The following NSMAF variants were observed in gnomAD, a reference collection of about 807,000 sequenced individuals.
The protein encoded by NSMAF is neutral sphingomyelinase activation associated factor.
In NSMAF, 90 loss-of-function variants were observed where a neutral mutation model predicts 134.9. That is an observed-to-expected ratio of 0.67 (90% confidence interval 0.56 to 0.79). The LOEUF is 0.79. Ranked by LOEUF, NSMAF falls within the 30% of genes least tolerant of loss-of-function variation. The pLI is 0.00. For synonymous variants in NSMAF, 358 were observed against 389.6 expected (o/e 0.92, Z 0.96); for missense variants, 1,010 against 1,119.0 (o/e 0.90, Z 1.39).
Position 58,590,852 on chromosome 8 carries a change from T to C in NSMAF, c.2019+15A>G, listed in dbSNP as rs1294361954. ...TACACGGATTTCTATCATAATACTA[T>C]TAAAATGAACTCACCATATTTGAAA... is the stretch of plus-strand genomic sequence containing the variant. On this transcript the variant is annotated intron_variant, in intron 24 of 30. Coordinates refer to ENST00000038176, the MANE Select transcript of NSMAF (RefSeq NM_003580.4). The C allele has an allele frequency of 1.3e-6, 2 of 1,550,724 alleles. No individual in the cohort carries two copies. Among genetic ancestry groups the C allele is most frequent in the South Asian group, 2.2e-5 (2 of 89,286 alleles).
rs376113823 is a variant in NSMAF, at chr8:58,649,324, T to C, written c.60-6251A>G. The stretch of plus-strand genomic sequence containing the variant: ...CTGTACCACCATTGTATCTTGAAAG[T>C]AGATCAACTGTTTTGATTTTACAGG... On this transcript the variant is annotated intron_variant, in intron 1 of 30. Transcript: ENST00000038176. Among the ~76,000 whole-genome samples the C allele has an allele frequency of 7.2e-5, 11 of 152,334 alleles. No homozygotes were observed. The East Asian group carries it at 1.3e-3, about 19-fold the overall frequency.
chr8:58,632,237 C>T (rs762949761), intron 5 of NSMAF, among the ~76,000 whole-genome samples: 1 of 152,290 alleles, frequency 6.6e-6, no homozygotes, highest in African/African-American at 2.4e-5. Flanking sequence ...CACACCCCCA[C>T]AAACATACTT....
rs1563524675 is a variant in NSMAF, at chr8:58,594,280, C to T, written c.1903G>A (p.Gly635Arg). 6.2e-6 allele frequency: 10 copies of T among 1,614,044 alleles called. No homozygotes were observed. Among genetic ancestry groups the T allele is most frequent in the Non-Finnish European group, 8.5e-6 (10 of 1,179,872 alleles). Residue 635 changes from glycine (G) to arginine (R), a missense_variant, in exon 23 of 31, where the codon GGA (glycine) becomes AGA (arginine). By Grantham distance (125) the Gly-to-Arg change is moderately radical. Coordinates refer to ENST00000038176, the MANE Select transcript of NSMAF (RefSeq NM_003580.4). ...GATCCATTGCGAGAGACCGTGATTC[C>T]AGTAACTGCTCTGCTCAAAAACAAA... ...HYKIHKEAVT[G>R]ITVSRNGSSV...
chr8:58,633,198 C>T (rs567439319), intron 5 of NSMAF, among the ~76,000 whole-genome samples: 8 of 152,344 alleles, frequency 5.3e-5, no homozygotes, highest in African/African-American at 7.2e-5. Context: ...CCGCATGACA[C>T]GGTCCCTGCC....
intron 2 of NSMAF, among the ~76,000 whole-genome samples, chr8:58,642,210 G>A (rs77807250): frequency 0.027 from 4,126 of 152,282 alleles, 205 homozygotes; most frequent in African/African-American, 0.093. Context: ...ATAAAAATAA[G>A]TGGATTTATC....
In NSMAF at chr8:58,659,662, A is replaced by G. The variant is rs971208193; in HGVS notation, c.-31T>C. On this transcript the variant is annotated 5_prime_UTR_variant, in exon 1 of 31. Coordinates refer to ENST00000038176, the MANE Select transcript of NSMAF (RefSeq NM_003580.4). ...GTAGGCGCGGGCGGGCGCAGAGCGC[A>G]CAGGCAGGCCCCGCCGCCGCCTGCC... 29 of 1,394,496 alleles carry G rather than the reference A, an allele frequency of 2.1e-5. No individual in the cohort carries two copies. The highest frequency in any genetic ancestry group is 3.0e-5 in the African/African-American group (2 of 65,882). 86.4% of individuals were successfully genotyped at this position (1,394,496 alleles called of 1,614,324 possible). A position where few individuals can be genotyped will look rare whatever the true frequency, so the allele number is the denominator to read the frequency against.
In NSMAF at chr8:58,635,239, A is replaced by G. The variant is rs1421500231; in HGVS notation, c.297-14T>C. 3.1e-6 allele frequency: 5 copies of G among 1,610,962 alleles called. No individual in the cohort carries two copies. The African/African-American group carries it at 6.7e-5, about 22-fold the overall frequency. ...CCAGATTTTGCCCTAAAATACAGAT[A>G]AAAGTCATTAAATATATACAGCTTT... On this transcript the variant is annotated splice_polypyrimidine_tract_variant and intron_variant, in intron 4 of 30. Transcript: ENST00000038176.
At chr8:58,634,735 G>A (rs1439345463) in intron 5 of NSMAF, among the ~76,000 whole-genome samples, 1 of 152,134 alleles carries the variant, frequency 6.6e-6, no homozygotes, top group African/African-American at 2.4e-5. Context: ...GTGCAGTGGT[G>A]GGTGCATAAA....
intron 23 of NSMAF, among the ~76,000 whole-genome samples, chr8:58,593,617 C>T (rs972688737): frequency 6.6e-6 from 1 of 152,150 alleles, no homozygotes; most frequent in African/African-American, 2.4e-5. Flanking sequence ...AAGGCCAAGA[C>T]ATACTTTAAT....
At chr8:58,600,436 A>T (rs976808923) in intron 16 of NSMAF, among the ~76,000 whole-genome samples, 1 of 152,074 alleles carries the variant, frequency 6.6e-6, no homozygotes, top group African/African-American at 2.4e-5. Context: ...CATCCTGGCC[A>T]ACATGGTGAA....
At chr8:58,601,196 T>C in intron 16 of NSMAF, 89 bp downstream of exon 16, 1 of 1,133,658 alleles carries the variant, frequency 8.8e-7, no homozygotes, top group Non-Finnish European at 1.3e-6. Context: ...TCTTTACTTT[T>C]TTATTATATC....
intron 21 of NSMAF, among the ~76,000 whole-genome samples, chr8:58,596,136 T>C (rs1806130919): frequency 6.6e-6 from 1 of 152,160 alleles, no homozygotes; most frequent in Admixed American, 6.5e-5. Context: ...CTTAAAACAA[T>C]CACATGACAG....
intron 1 of NSMAF, among the ~76,000 whole-genome samples, 160 bp from the exon 2 acceptor site, chr8:58,643,233 G>C (rs1807374460): frequency 6.6e-6 from 1 of 152,168 alleles, no homozygotes; most frequent in South Asian, 2.1e-4. Flanking sequence ...TCTACCCAGT[G>C]GCGGGAAGTA....
At chr8:58,607,341 G>A (rs925062371) in intron 11 of NSMAF, among the ~76,000 whole-genome samples, 4 of 152,236 alleles carry the variant, frequency 2.6e-5, no homozygotes, top group South Asian at 2.1e-4. Flanking sequence ...TTGAATTAAT[G>A]TAAGTTAACT....
rs752367464 is a variant in NSMAF at position 58,599,938 on chromosome 8, C to G, written c.1332+32G>C. ...TTTAAAGCAGTTAGAAACCCCAAGTCCAGTTACTCATCAGCTTTATTAACT... is the reference window on the plus strand; with the variant it reads ...TTTAAAGCAGTTAGAAACCCCAAGTGCAGTTACTCATCAGCTTTATTAACT... On this transcript the variant is annotated intron_variant, in intron 17 of 30. Coordinates refer to ENST00000038176, the MANE Select transcript of NSMAF (RefSeq NM_003580.4). 4 of 1,612,964 alleles carry G rather than the reference C, an allele frequency of 2.5e-6. No individual in the cohort carries two copies. The East Asian group carries it at 8.9e-5, about 36-fold the overall frequency.
At chr8:58,630,635 C>A (rs945381536) in intron 6 of NSMAF, among the ~76,000 whole-genome samples, 16 of 152,122 alleles carry the variant, frequency 1.1e-4, no homozygotes, top group Admixed American at 8.5e-4. Flanking sequence ...ATATAAGTGA[C>A]AGCCCCACAC....
At position 58,603,344 on chromosome 8, in the gene NSMAF, T is replaced by C; in HGVS notation, c.911A>G (p.Gln304Arg). ...GTTGGAAAGGTGTCCACGCTGCCAC[T>C]GCAGCATGTAGCTCTCAGCAGTGTG... ...AEHTAESYML[Q>R]WQRGHLSNYQ... Residue 304 changes from glutamine to arginine, a missense_variant, in exon 13 of 31, where the codon CAG becomes CGG. Gln to Arg is a conservative substitution (Grantham distance 43, BLOSUM62 1). Transcript: ENST00000038176. 1 of 1,614,140 alleles carries C rather than the reference T, an allele frequency of 6.2e-7. No homozygotes were observed. Among genetic ancestry groups the C allele is most frequent in the South Asian group, 1.1e-5 (1 of 91,078 alleles).
intron 1 of NSMAF, among the ~76,000 whole-genome samples, chr8:58,653,567 A>C (rs901621487): frequency 1.3e-5 from 2 of 151,966 alleles, no homozygotes; most frequent in African/African-American, 4.8e-5. Flanking sequence ...AAAAAAAATT[A>C]CTAGAAGTAA....
intron 1 of NSMAF, among the ~76,000 whole-genome samples, chr8:58,653,196 T>C (rs1045027990): frequency 6.6e-6 from 1 of 152,084 alleles, no homozygotes; most frequent in East Asian, 1.9e-4. Context: ...GGATAAGCAT[T>C]AGAAAAACAA....
Sources: allele counts gnomAD v4.1 joint callset (sites outside exome capture counted in the v4.1 genomes callset), GRCh38; gene constraint gnomAD v4.1.1; transcripts MANE v1.5; gene names NCBI Gene and HGNC (gene_info 2026-07-23, HGNC 2026-07-21).